STRN3: variants seen among roughly 807,000 people sequenced by gnomAD.
The protein encoded by STRN3 is striatin-3.
In STRN3, 29 loss-of-function variants were observed where a neutral mutation model predicts 95.6. That is an observed-to-expected ratio of 0.30 (90% confidence interval 0.23 to 0.41). The LOEUF (loss-of-function observed/expected upper bound fraction) is 0.41, where lower values mean the gene tolerates loss of function less well. Ranked by LOEUF, STRN3 falls within the 10% of genes least tolerant of loss-of-function variation. STRN3 has a pLI of 1.00. For synonymous variants in STRN3, 331 were observed against 357.6 expected (o/e 0.93, Z 0.84); for missense variants, 890 against 972.1 (o/e 0.92, Z 1.12).
At chr14:30,903,890 C>A (rs1219946950) in intron 15 of STRN3, among the ~76,000 whole-genome samples, 2 of 152,114 alleles carry the variant, frequency 1.3e-5, no homozygotes, top group Non-Finnish European at 2.9e-5. Context: ...AATATTTGAT[C>A]TTTTGGTGGT....
intron 8 of STRN3, among the ~76,000 whole-genome samples, chr14:30,928,710 G>A (rs1432883213): frequency 1.3e-5 from 2 of 152,054 alleles, no homozygotes; most frequent in Non-Finnish European, 2.9e-5. Flanking sequence ...TACTACCCAA[G>A]AGATTCTTTT....
At chr14:30,965,827 C>A (rs1437817328) in intron 1 of STRN3, among the ~76,000 whole-genome samples, 1 of 151,588 alleles carries the variant, frequency 6.6e-6, no homozygotes, top group Non-Finnish European at 1.5e-5. Flanking sequence ...CATCTGTAAT[C>A]CCAGTGCTTT....
intron 12 of STRN3, 31 bp downstream of exon 12, chr14:30,911,746 G>A (rs770727255): frequency 1.3e-6 from 2 of 1,568,820 alleles, no homozygotes; most frequent in Non-Finnish European, 8.7e-7. Flanking sequence ...TAATGATGAT[G>A]TTAATTAAAT....
At chr14:31,018,813 A>G (rs1225635376) in intron 1 of STRN3, 28 of 429,638 alleles carry the variant, frequency 6.5e-5, no homozygotes, top group South Asian at 3.0e-4. Flanking sequence ...CAGTAACTTC[A>G]AGCACTAATA....
chr14:30,997,232 C>T (rs530434800), intron 1 of STRN3, among the ~76,000 whole-genome samples: 2 of 152,252 alleles, frequency 1.3e-5, no homozygotes, highest in South Asian at 2.1e-4. Context: ...AGCAGATTAA[C>T]TTAAAAATCT....
At chr14:31,013,015 TTG>T (rs1269476185) in intron 1 of STRN3, among the ~76,000 whole-genome samples, 1 of 152,072 alleles carries the variant, frequency 6.6e-6, no homozygotes, top group Admixed American at 6.6e-5. Flanking sequence ...TCCCAGCACT[TTG>T]AGAGGCTGAG....
At chr14:30,912,295 T>A in intron 10 of STRN3, 113 bp from the exon 11 acceptor site, 1 of 973,598 alleles carries the variant, frequency 1.0e-6, no homozygotes, top group Non-Finnish European at 1.4e-6. Context: ...AACTGTTGGC[T>A]AAAATGTCCA....
At chr14:30,954,111 G>GT (rs1021486937) in intron 3 of STRN3, among the ~76,000 whole-genome samples, 6 of 152,038 alleles carry the variant, frequency 3.9e-5, no homozygotes, top group South Asian at 4.1e-4. Context: ...TTCCATTGTG[G>GT]TTTTAAGTTG....
chr14:30,929,967 A>AAAAACAACAACAAAAAAAAAAAAC (rs1555317338), intron 7 of STRN3, among the ~76,000 whole-genome samples: 3 of 91,122 alleles, frequency 3.3e-5, no homozygotes, highest in African/African-American at 1.2e-4. Context: ...AAAAAAAAAA[A>AAAAACAACAACAAAAAAAAAAAAC]AAAAAAAAAA....
intron 16 of STRN3, among the ~76,000 whole-genome samples, chr14:30,897,922 G>C (rs1380320902): frequency 6.6e-6 from 1 of 152,054 alleles, no homozygotes; most frequent in Non-Finnish European, 1.5e-5. Flanking sequence ...AAAATATTAG[G>C]GGTTAAATAC....
chr14:31,010,860 G>A (rs921423349), intron 1 of STRN3, among the ~76,000 whole-genome samples: 3 of 151,934 alleles, frequency 2.0e-5, no homozygotes, highest in South Asian at 2.1e-4. Context: ...CCGACATGGC[G>A]AAACCTTGTC....
chr14:31,008,521 A>C (rs1373890983), intron 1 of STRN3, among the ~76,000 whole-genome samples: 1 of 152,120 alleles, frequency 6.6e-6, no homozygotes, highest in Non-Finnish European at 1.5e-5. Flanking sequence ...AAAATAAATG[A>C]ATCTAAAAAT....
At position 30,894,864 on chromosome 14, in the gene STRN3, TA is replaced by T. The variant is rs763406267; in HGVS notation, c.*546del. On this transcript the variant is annotated 3_prime_UTR_variant, in exon 18 of 18. Coordinates refer to ENST00000357479, the MANE Select transcript of STRN3 (RefSeq NM_001083893.2). ...TCCAAACATTTTGTGCAACTAATGC[TA>T]AAATATTTTAAGTTAAATTTTCTTT... 1 of 775,206 alleles carries T rather than the reference TA, an allele frequency of 1.3e-6. No individual in the cohort carries two copies. The highest frequency in any genetic ancestry group is 1.7e-6 in the Non-Finnish European group (1 of 582,428). 48.0% of individuals were successfully genotyped at this position (775,206 alleles called of 1,614,324 possible). A position where few individuals can be genotyped will look rare whatever the true frequency, so the allele number is the denominator to read the frequency against.
intron 8 of STRN3, 36 bp from the exon 9 acceptor site, chr14:30,919,142 T>A (rs1739434253): frequency 6.5e-7 from 1 of 1,550,218 alleles, no homozygotes; most frequent in Non-Finnish European, 8.7e-7. Flanking sequence ...GTTCATTTAA[T>A]GGCTACCGCT....
At chr14:30,895,835 A>G (rs955223163) in intron 16 of STRN3, 87 bp from the exon 17 acceptor site, 2 of 1,171,196 alleles carry the variant, frequency 1.7e-6, no homozygotes, top group African/African-American at 3.1e-5. Context: ...TCAACATAAA[A>G]CAATCATTAT....
chr14:30,967,696 T>C (rs2139184376), intron 1 of STRN3, among the ~76,000 whole-genome samples: 1 of 152,362 alleles, frequency 6.6e-6, no homozygotes, highest in South Asian at 2.1e-4. Flanking sequence ...ACCTCACCAG[T>C]TCAGAACTAT....
At chr14:30,908,021 T>A (rs1260096963) in intron 13 of STRN3, among the ~76,000 whole-genome samples, 1 of 152,196 alleles carries the variant, frequency 6.6e-6, no homozygotes, top group Non-Finnish European at 1.5e-5. Flanking sequence ...ATCCCCCATC[T>A]TCTTGCTGCG....
chr14:31,002,435 C>T (rs1042492046), intron 1 of STRN3, among the ~76,000 whole-genome samples: 2 of 143,182 alleles, frequency 1.4e-5, no homozygotes, highest in African/African-American at 5.2e-5. Flanking sequence ...CGCGCCACTG[C>T]ACTCCAGCCT....
intron 7 of STRN3, among the ~76,000 whole-genome samples, chr14:30,930,693 G>C (rs7152156): frequency 0.2 from 29,686 of 151,954 alleles, 3,456 homozygotes; most frequent in Middle Eastern, 0.28. Flanking sequence ...TTGTAATACA[G>C]TTGTAAAGAG....
Sources: allele counts gnomAD v4.1 joint callset (sites outside exome capture counted in the v4.1 genomes callset), GRCh38; gene constraint gnomAD v4.1.1; transcripts MANE v1.5; gene names NCBI Gene and HGNC (gene_info 2026-07-23, HGNC 2026-07-21).